SGCZ: variants seen among roughly 807,000 people sequenced by gnomAD.
SGCZ encodes the protein zeta-sarcoglycan.
A neutral mutation model predicts 41.3 loss-of-function variants in SGCZ; 40 were observed. The ratio of observed to expected loss-of-function variants is 0.97; its 90% CI spans 0.75 to 1.26. The LOEUF (loss-of-function observed/expected upper bound fraction) is 1.26. SGCZ is among the 50% of genes most tolerant of loss of function. The pLI is 0.00. For synonymous variants in SGCZ, 206 were observed against 137.5 expected (o/e 1.50, Z -3.49); for missense variants, 552 against 369.8 (o/e 1.49, Z -4.04).
intron 1 of SGCZ, among the ~76,000 whole-genome samples, chr8:14,660,041 A>C (rs2117479934): frequency 6.6e-6 from 1 of 152,314 alleles, no homozygotes; most frequent in African/African-American, 2.4e-5. Context: ...AGTTTGAAAC[A>C]GCTTTTTCTT....
chr8:14,264,369 C>T (rs1226226434), intron 3 of SGCZ, among the ~76,000 whole-genome samples: 2 of 152,116 alleles, frequency 1.3e-5, no homozygotes, highest in African/African-American at 4.8e-5. Flanking sequence ...CTCTGCAGTG[C>T]CTCACTCTAG....
intron 1 of SGCZ, among the ~76,000 whole-genome samples, chr8:14,675,729 C>A (rs1363409070): frequency 1.3e-5 from 2 of 152,120 alleles, no homozygotes; most frequent in East Asian, 1.9e-4. Flanking sequence ...GAACTCCCAA[C>A]AAAATATGTA....
intron 1 of SGCZ, among the ~76,000 whole-genome samples, chr8:15,064,534 CAAAA>C (rs199980199): frequency 3.4e-4 from 45 of 132,082 alleles, no homozygotes; most frequent in African/African-American, 1.3e-3. Context: ...CCAGGCCTCT[CAAAA>C]AAAAAAAAAA....
chr8:14,686,684 T>A (rs897210047), intron 1 of SGCZ, among the ~76,000 whole-genome samples: 3 of 152,038 alleles, frequency 2.0e-5, no homozygotes, highest in Admixed American at 6.6e-5. Flanking sequence ...GGGCTGAAAT[T>A]GTGGACACAA....
intron 1 of SGCZ, among the ~76,000 whole-genome samples, chr8:14,594,708 A>C (rs1805351684): frequency 6.6e-6 from 1 of 151,862 alleles, no homozygotes; most frequent in Admixed American, 6.6e-5. Context: ...AATATGAATA[A>C]CTGTCTGTGC....
intron 2 of SGCZ, among the ~76,000 whole-genome samples, chr8:14,504,089 T>C (rs1169036530): frequency 1.3e-5 from 2 of 152,166 alleles, no homozygotes; most frequent in Non-Finnish European, 2.9e-5. Flanking sequence ...TTTATTTTTC[T>C]TTTTTGTCTC....
chr8:14,843,285 C>CT (rs1309470645), intron 1 of SGCZ, among the ~76,000 whole-genome samples: 23 of 151,052 alleles, frequency 1.5e-4, no homozygotes, highest in African/African-American at 3.2e-4. Flanking sequence ...GAAGTTAAGT[C>CT]TTTTTTTTTA....
chr8:14,509,260 C>A (rs2117070845), intron 2 of SGCZ, among the ~76,000 whole-genome samples: 1 of 152,156 alleles, frequency 6.6e-6, no homozygotes, highest in African/African-American at 2.4e-5. Context: ...CTTGTTAATT[C>A]AAGCAAACAT....
At chr8:14,317,879 C>G (rs1297247911) in intron 3 of SGCZ, among the ~76,000 whole-genome samples, 3 of 151,570 alleles carry the variant, frequency 2.0e-5, no homozygotes. Flanking sequence ...TGAAACTTCA[C>G]AACGGATTAT....
chr8:15,164,836 T>TGG (rs373555785), intron 1 of SGCZ, among the ~76,000 whole-genome samples: 1 of 152,146 alleles, frequency 6.6e-6, no homozygotes, highest in East Asian at 1.9e-4. Context: ...CGGGTATGGC[T>TGG]GTAACCCCTT....
intron 6 of SGCZ, among the ~76,000 whole-genome samples, chr8:14,107,517 T>C (rs2116998823): frequency 6.6e-6 from 1 of 152,344 alleles, no homozygotes; most frequent in African/African-American, 2.4e-5. Flanking sequence ...CTCTATATAA[T>C]ACTCCGTGGT....
At chr8:14,505,676 G>A (rs561790790) in intron 2 of SGCZ, among the ~76,000 whole-genome samples, 1 of 152,156 alleles carries the variant, frequency 6.6e-6, no homozygotes, top group South Asian at 2.1e-4. Context: ...AAACCAGCAG[G>A]ACATGCCAGT....
chr8:15,074,122 C>G (rs1358562705), intron 1 of SGCZ, among the ~76,000 whole-genome samples: 2 of 152,156 alleles, frequency 1.3e-5, no homozygotes, highest in Non-Finnish European at 2.9e-5. Flanking sequence ...CACAACCCCC[C>G]ATCCAACCGT....
intron 1 of SGCZ, among the ~76,000 whole-genome samples, chr8:14,568,179 A>G (rs919014753): frequency 1.3e-5 from 2 of 152,108 alleles, no homozygotes; most frequent in African/African-American, 2.4e-5. Context: ...GTGGGATTCA[A>G]CAATGAAAGC....
intron 5 of SGCZ, among the ~76,000 whole-genome samples, chr8:14,129,691 T>G (rs1340832547): frequency 6.6e-6 from 1 of 151,328 alleles, no homozygotes; most frequent in Non-Finnish European, 1.5e-5. Context: ...TATACGTCAT[T>G]AAAAAAAATC....
chr8:14,787,339 C>G (rs994895001), intron 1 of SGCZ, among the ~76,000 whole-genome samples: 3 of 151,972 alleles, frequency 2.0e-5, no homozygotes, highest in African/African-American at 7.3e-5. Flanking sequence ...TAGCGGGAAT[C>G]TGGTGCTTTA....
At chr8:14,984,172 A>G (rs959024093) in intron 1 of SGCZ, among the ~76,000 whole-genome samples, 2 of 152,218 alleles carry the variant, frequency 1.3e-5, no homozygotes, top group Non-Finnish European at 2.9e-5. Flanking sequence ...ATCAACCCAG[A>G]GCCACTACTG....
At chr8:14,255,509 A>G (rs935982630) in intron 3 of SGCZ, among the ~76,000 whole-genome samples, 33 of 152,332 alleles carry the variant, frequency 2.2e-4, no homozygotes, top group Non-Finnish European at 4.1e-4. Flanking sequence ...TAAAATTTGT[A>G]TTCAACTGAT....
At chr8:15,203,939 T>G (rs1800977615) in intron 1 of SGCZ, among the ~76,000 whole-genome samples, 1 of 152,228 alleles carries the variant, frequency 6.6e-6, no homozygotes, top group African/African-American at 2.4e-5. Flanking sequence ...GTTTTTCTTT[T>G]TTAATAAACT....
Sources: allele counts gnomAD v4.1 joint callset (sites outside exome capture counted in the v4.1 genomes callset), GRCh38; gene constraint gnomAD v4.1.1; transcripts MANE v1.5; gene names NCBI Gene and HGNC (gene_info 2026-07-23, HGNC 2026-07-21).